Variants in SLC23A2 observed in about 807,000 individuals in gnomAD.
SLC23A2 encodes solute carrier family 23 member 2.
In SLC23A2, 36 loss-of-function variants were observed where a neutral mutation model predicts 73.3. The ratio of observed to expected loss-of-function variants is 0.49; its 90% CI spans 0.38 to 0.65. The LOEUF (loss-of-function observed/expected upper bound fraction) is 0.65, where lower values mean the gene tolerates loss of function less well. Ranked by LOEUF, SLC23A2 falls within the 30% of genes least tolerant of loss-of-function variation. SLC23A2 has a pLI of 0.00. For synonymous variants in SLC23A2, 343 were observed against 327.3 expected (o/e 1.05, Z -0.52); for missense variants, 507 against 841.6 (o/e 0.60, Z 4.92).
chr20:4,998,805 CTTT>C lies in SLC23A2; in HGVS notation c.-282+2598_-282+2600del, dbSNP rs10634743. Among the ~76,000 whole-genome samples, 2 of 139,448 alleles carry C rather than the reference CTTT, an allele frequency of 1.4e-5. No individual in the cohort carries two copies. Among genetic ancestry groups the C allele is most frequent in the Middle Eastern group, 3.6e-3 (1 of 274 alleles). The allele number at this position is 139,448 out of a possible 152,430, so 91.5% of individuals were successfully genotyped here. A position where few individuals can be genotyped will look rare whatever the true frequency, so the allele number is the denominator to read the frequency against. On this transcript the variant is annotated intron_variant, in intron 1 of 16. Coordinates refer to ENST00000338244, the MANE Select transcript of SLC23A2 (RefSeq NM_005116.6). This position sits in a 1 kb window ranked among gnomAD's most constrained non-coding sequence, Gnocchi z 4.1. ...ATAATTTCAAATCATTACTGTTGAT[CTTT>C]TTTTTTTTTTTTTTAGGAGACAGTC...
chr20:4,965,959 T>G (rs1600181851), intron 2 of SLC23A2, among the ~76,000 whole-genome samples: 1 of 107,212 alleles, frequency 9.3e-6, no homozygotes, highest in East Asian at 2.8e-4. Flanking sequence ...TGAGTGAGAC[T>G]CCATCTCAAA....
At chr20:4,978,796 A>C (rs1313682248) in intron 1 of SLC23A2, among the ~76,000 whole-genome samples, 2 of 152,212 alleles carry the variant, frequency 1.3e-5, no homozygotes, top group Non-Finnish European at 2.9e-5. Flanking sequence ...CACAACCTCA[A>C]GGAGCCAACA....
At chr20:4,988,369 A>AG (rs34066480) in intron 1 of SLC23A2, among the ~76,000 whole-genome samples, 5 of 151,880 alleles carry the variant, frequency 3.3e-5, no homozygotes, top group South Asian at 2.1e-4. Flanking sequence ...TGGGAAACCG[A>AG]GGGGGGGCCA....
chr20:4,969,685 A>G (rs1319395439), intron 2 of SLC23A2, among the ~76,000 whole-genome samples: 1 of 151,706 alleles, frequency 6.6e-6, no homozygotes, highest in Non-Finnish European at 1.5e-5. Flanking sequence ...CCTGGGCTCA[A>G]GTGATCCTCC....
At position 4,908,866 on chromosome 20, in the gene SLC23A2, G is replaced by A. The variant is rs150677240; in HGVS notation, c.207+4014C>T. On this transcript the variant is annotated intron_variant, in intron 4 of 16. Transcript: ENST00000338244. ...TGAGAATTGCTTGAAACTGGGGGGCGGAGGTTGCAGTGAGCTGAGATTGTG... is the reference window on the plus strand; with the variant it reads ...TGAGAATTGCTTGAAACTGGGGGGCAGAGGTTGCAGTGAGCTGAGATTGTG... 4.0e-3 allele frequency among the ~76,000 whole-genome samples: 609 copies of A among 152,288 alleles called. 4 individuals are homozygous for A. Among genetic ancestry groups the A allele is most frequent in the African/African-American group, 0.013 (550 of 41,552 alleles).
intron 1 of SLC23A2, among the ~76,000 whole-genome samples, chr20:5,008,101 G>T (rs1053946221): frequency 6.6e-6 from 1 of 151,950 alleles, no homozygotes; most frequent in African/African-American, 2.4e-5. Context: ...GTAGAGATGG[G>T]GTTTCACCAT....
chr20:4,868,146 C>T lies in SLC23A2; in HGVS notation c.1251-271G>A, dbSNP rs1042190282. ...CTAGGCTGGAATGCAGTGACGCGAT[C>T]TTGGCTCACTGCAACCTCCACCTCC... is the stretch of plus-strand genomic sequence containing the variant. On this transcript the variant is annotated intron_variant, in intron 12 of 16. Coordinates refer to ENST00000338244, the MANE Select transcript of SLC23A2 (RefSeq NM_005116.6). This position sits in a 1 kb window ranked among gnomAD's most constrained non-coding sequence, Gnocchi z 4.4. Among the ~76,000 whole-genome samples, 6 of 133,816 alleles carry T rather than the reference C, an allele frequency of 4.5e-5. No homozygotes were observed. Among genetic ancestry groups the T allele is most frequent in the Non-Finnish European group, 7.6e-5 (5 of 65,558 alleles). The allele number at this position is 133,816 out of a possible 152,430, so 87.8% of individuals were successfully genotyped here.
chr20:4,887,705 A>C (rs989604652), intron 6 of SLC23A2, among the ~76,000 whole-genome samples: 1 of 152,154 alleles, frequency 6.6e-6, no homozygotes, highest in Non-Finnish European at 1.5e-5. Flanking sequence ...CCCCTGAAAT[A>C]GATGACGATA....
At chr20:5,009,083 A>C (rs934573960) in intron 1 of SLC23A2, among the ~76,000 whole-genome samples, 2 of 152,064 alleles carry the variant, frequency 1.3e-5, no homozygotes, top group African/African-American at 4.8e-5. Context: ...AATCCAGGGA[A>C]TCTTTTGCAT....
At chr20:4,865,710 G>A (rs1930167221) in intron 13 of SLC23A2, among the ~76,000 whole-genome samples, 1 of 151,974 alleles carries the variant, frequency 6.6e-6, no homozygotes, top group Non-Finnish European at 1.5e-5. Flanking sequence ...TTCCAGGACC[G>A]CCACTCTCCC....
At position 4,854,045 on chromosome 20, in the gene SLC23A2, T is replaced by C. The variant is rs1204011902; in HGVS notation, c.*2927A>G. The C allele has an allele frequency of 1.3e-5, 2 of 152,212 alleles. No individual in the cohort carries two copies. Among genetic ancestry groups the C allele is most frequent in the Non-Finnish European group, 2.9e-5 (2 of 68,044 alleles). 9.4% of individuals were successfully genotyped at this position (152,212 alleles called of 1,614,324 possible). A position where few individuals can be genotyped will look rare whatever the true frequency, so the allele number is the denominator to read the frequency against. ...ATGTTGGGATTGCCCACACAAATGCTTTCTTTCAGGGACCAGGCAGGTGAC... is the reference window on the plus strand; with the variant it reads ...ATGTTGGGATTGCCCACACAAATGCCTTCTTTCAGGGACCAGGCAGGTGAC... On this transcript the variant is annotated 3_prime_UTR_variant, in exon 17 of 17. Coordinates refer to ENST00000338244, the MANE Select transcript of SLC23A2 (RefSeq NM_005116.6).
intron 6 of SLC23A2, among the ~76,000 whole-genome samples, chr20:4,887,108 G>C (rs933927101): frequency 1.3e-5 from 2 of 152,202 alleles, no homozygotes; most frequent in Non-Finnish European, 2.9e-5. Context: ...CTGGCTTTAA[G>C]GCACAGACGC....
In SLC23A2 at chr20:4,928,015, C is replaced by T. The variant is rs538768203; in HGVS notation, c.108+4440G>A. Among the ~76,000 whole-genome samples, 35 of 152,210 alleles carry T rather than the reference C, an allele frequency of 2.3e-4. No homozygotes were observed. In the South Asian group the frequency reaches 6.0e-3, roughly 26 times the overall value. ...TAGCAATTTCACTAGTGATTAAATA[C>T]GGGCAGTACTGTGTTCCTGTTCTTA... On this transcript the variant is annotated intron_variant, in intron 3 of 16. Coordinates refer to ENST00000338244, the MANE Select transcript of SLC23A2 (RefSeq NM_005116.6).
In SLC23A2 at chr20:4,902,997, T is replaced by C. The variant is rs1333625912; in HGVS notation, c.208-439A>G. Among the ~76,000 whole-genome samples the C allele has an allele frequency of 6.6e-6, 1 of 152,108 alleles. No individual in the cohort carries two copies. Among genetic ancestry groups the C allele is most frequent in the African/African-American group, 2.4e-5 (1 of 41,404 alleles). ...CACTGATCTGCCCCTCCCAGCCCAC[T>C]TCATCCCTGCAAGTAAAAAGGATCT... On this transcript the variant is annotated intron_variant, in intron 4 of 16. Coordinates refer to ENST00000338244, the MANE Select transcript of SLC23A2 (RefSeq NM_005116.6). This position sits in a 1 kb window ranked among gnomAD's most constrained non-coding sequence, Gnocchi z 4.0.
intron 2 of SLC23A2, among the ~76,000 whole-genome samples, chr20:4,966,668 T>C (rs930214577): frequency 1.3e-5 from 2 of 152,188 alleles, no homozygotes; most frequent in Non-Finnish European, 2.9e-5. Context: ...AAATTACATA[T>C]GTGACTTCCA....
Position 4,861,995 on chromosome 20 carries a change from A to G in SLC23A2, c.1577T>C (p.Phe526Ser), listed in dbSNP as rs758077130. 4 of 1,614,208 alleles carry G rather than the reference A, an allele frequency of 2.5e-6. No individual in the cohort carries two copies. The highest frequency in any genetic ancestry group is 1.7e-5 in the Admixed American group (1 of 60,024). ...NLFVLGFSIF[F>S]GLVLPSYLRQ... Reference sequence around the variant, plus strand: ...GAGGTAACTTGGAAGGACGAGCCCAAAGAAGATCGAAAATCCAAGCACAAA... The same window carrying G: ...GAGGTAACTTGGAAGGACGAGCCCAGAGAAGATCGAAAATCCAAGCACAAA... Residue 526 changes from phenylalanine (F) to serine (S), a missense_variant, in exon 15 of 17, where the codon TTT (phenylalanine) becomes TCT (serine). Physicochemically the swap from Phe to Ser is radical, Grantham distance 155. This residue lies in a region of SLC23A2 where 168 missense variants were observed against 302.3 expected (regional missense o/e 0.56). Coordinates refer to ENST00000338244, the MANE Select transcript of SLC23A2 (RefSeq NM_005116.6).
intron 6 of SLC23A2, among the ~76,000 whole-genome samples, chr20:4,893,504 C>A (rs1222681047): frequency 6.6e-6 from 1 of 152,146 alleles, no homozygotes; most frequent in African/African-American, 2.4e-5. Context: ...GTTTTATAAA[C>A]AATCATGAGT....
intron 4 of SLC23A2, 129 bp downstream of exon 4, chr20:4,912,751 G>A: frequency 1.5e-6 from 1 of 684,774 alleles, no homozygotes; most frequent in East Asian, 2.5e-5. Flanking sequence ...CAGCCCCTTG[G>A]GAGTCAGAGA....
rs550175764 is a variant in SLC23A2 at position 4,920,502 on chromosome 20, G to A, written c.109-7524C>T. Among the ~76,000 whole-genome samples, 11 of 152,242 alleles carry A rather than the reference G, an allele frequency of 7.2e-5. 1 individual carries two copies. The South Asian group carries it at 2.3e-3, about 32-fold the overall frequency. On this transcript the variant is annotated intron_variant, in intron 3 of 16. Transcript: ENST00000338244. ...CTGAGTGAAACAACTTATGTGCCAG[G>A]TTATTCAGGGTAGTGCTATTTGTAA...
Sources: allele counts gnomAD v4.1 joint callset (sites outside exome capture counted in the v4.1 genomes callset), GRCh38; gene constraint gnomAD v4.1.1; regional missense constraint gnomAD v4.1.1; non-coding constraint Gnocchi (gnomAD v3.1); transcripts MANE v1.5; gene names NCBI Gene and HGNC (gene_info 2026-07-23, HGNC 2026-07-21).